TSPAN18: variants seen among roughly 807,000 people sequenced by gnomAD.
TSPAN18 encodes tetraspanin 18.
TSPAN18 carries 14 observed loss-of-function variants against 27.3 expected under a neutral mutation model. That is an observed-to-expected ratio of 0.51 (90% CI 0.34 to 0.80). TSPAN18 has a LOEUF of 0.80. Ranked by LOEUF, TSPAN18 falls within the 30% of genes least tolerant of loss-of-function variation. The probability of loss-of-function intolerance (pLI) is 0.01; values close to 1 mark genes in which losing one functional copy is unlikely to be tolerated. For missense variants in TSPAN18, 268 were observed against 323.9 expected (o/e 0.83, Z 1.32); for synonymous variants, 143 against 136.5 (o/e 1.05, Z -0.33).
chr11:44,928,529 G>A (rs1231022256), intron 9 of TSPAN18, among the ~76,000 whole-genome samples: 2 of 152,210 alleles, frequency 1.3e-5, no homozygotes, highest in African/African-American at 2.4e-5. Context: ...GCTCACGCCT[G>A]TAAATCCTAG....
rs968622583 is a variant in TSPAN18, at chr11:44,763,803, T to A, written c.-239-623T>A. Among the ~76,000 whole-genome samples the A allele has an allele frequency of 1.3e-4, 20 of 152,298 alleles. No homozygotes were observed. In the South Asian group the frequency reaches 4.1e-3, roughly 32 times the overall value. ...CCATTCACAGGCTCTGGGGACGCTATCCTGGGAAGCTTTGTGGGGCTGGTG... is the reference window on the plus strand; with the variant it reads ...CCATTCACAGGCTCTGGGGACGCTAACCTGGGAAGCTTTGTGGGGCTGGTG... On this transcript the variant is annotated intron_variant, in intron 1 of 9. Transcript: ENST00000520358.
At chr11:44,843,162 G>C (rs942361443) in intron 2 of TSPAN18, among the ~76,000 whole-genome samples, 53 of 152,114 alleles carry the variant, frequency 3.5e-4, no homozygotes, top group Admixed American at 2.6e-4. Context: ...TATATGGGGG[G>C]ACCTGCCCCA....
chr11:44,882,224 G>T (rs1021015217), intron 3 of TSPAN18, among the ~76,000 whole-genome samples: 2 of 152,110 alleles, frequency 1.3e-5, no homozygotes, highest in African/African-American at 2.4e-5. Context: ...CATCCATGTG[G>T]TCCCTGGGAA....
chr11:44,751,982 GTA>G (rs1054025464), intron 1 of TSPAN18, among the ~76,000 whole-genome samples: 16 of 151,724 alleles, frequency 1.1e-4, no homozygotes, highest in Non-Finnish European at 4.4e-5. Flanking sequence ...AATATTTTGC[GTA>G]TGTTTCTTCC....
intron 2 of TSPAN18, among the ~76,000 whole-genome samples, chr11:44,846,798 G>A (rs562710840): frequency 6.6e-6 from 1 of 152,312 alleles, no homozygotes; most frequent in South Asian, 2.1e-4. Context: ...CTTCTACTTT[G>A]CAGCCATTTG....
chr11:44,833,405 C>A (rs888760939), intron 2 of TSPAN18, among the ~76,000 whole-genome samples: 1 of 151,840 alleles, frequency 6.6e-6, no homozygotes, highest in Non-Finnish European at 1.5e-5. Context: ...TCTCATTTGA[C>A]TCTAGTTGCC....
At chr11:44,837,756 A>C (rs1857292145) in intron 2 of TSPAN18, among the ~76,000 whole-genome samples, 1 of 152,280 alleles carries the variant, frequency 6.6e-6, no homozygotes, top group Admixed American at 6.5e-5. Context: ...ACCATCCACC[A>C]GCAAAAACAT....
chr11:44,821,734 C>T (rs1296424312), intron 2 of TSPAN18, among the ~76,000 whole-genome samples: 1 of 152,176 alleles, frequency 6.6e-6, no homozygotes, highest in Non-Finnish European at 1.5e-5. Context: ...TTCTATATCC[C>T]TGACTACAAC....
chr11:44,911,456 C>T (rs1012970350), intron 5 of TSPAN18, among the ~76,000 whole-genome samples: 2 of 152,146 alleles, frequency 1.3e-5, no homozygotes, highest in African/African-American at 2.4e-5. Flanking sequence ...CCTTCAACAG[C>T]GCAAACACTG....
chr11:44,893,620 C>T (rs1007272349), intron 3 of TSPAN18, among the ~76,000 whole-genome samples: 2 of 152,204 alleles, frequency 1.3e-5, no homozygotes, highest in African/African-American at 4.8e-5. Context: ...GTTTGCAGTC[C>T]AGCAAAACCT....
At chr11:44,819,565 G>A (rs1856884908) in intron 2 of TSPAN18, among the ~76,000 whole-genome samples, 1 of 152,198 alleles carries the variant, frequency 6.6e-6, no homozygotes, top group South Asian at 2.1e-4. Flanking sequence ...AAACGGCACA[G>A]TCAACATGGA....
Position 44,908,010 on chromosome 11 carries a change from G to A in TSPAN18, c.63+1531G>A, listed in dbSNP as rs147943222. On this transcript the variant is annotated intron_variant, in intron 4 of 9. Transcript: ENST00000520358. ...GCAGAGGTTGTGGTGAGCCGAGATC[G>A]TGCCACTGCACTCCAGCCTGGGCAA... Among the ~76,000 whole-genome samples, 753 of 146,012 alleles carry A rather than the reference G, an allele frequency of 5.2e-3. 1 individual carries two copies. Among genetic ancestry groups the A allele is most frequent in the African/African-American group, 0.017 (683 of 39,088 alleles).
chr11:44,805,237 A>G (rs1856567534), intron 2 of TSPAN18, among the ~76,000 whole-genome samples: 1 of 152,224 alleles, frequency 6.6e-6, no homozygotes, highest in African/African-American at 2.4e-5. Flanking sequence ...GCAGCTCTAA[A>G]TGGGAGCGGC....
intron 3 of TSPAN18, among the ~76,000 whole-genome samples, chr11:44,883,315 G>A (rs1219871347): frequency 6.6e-6 from 1 of 152,190 alleles, no homozygotes; most frequent in Non-Finnish European, 1.5e-5. Context: ...TTTCCTCCCA[G>A]AAATGGAGCT....
At chr11:44,884,530 C>T (rs757777491) in intron 3 of TSPAN18, among the ~76,000 whole-genome samples, 5 of 152,216 alleles carry the variant, frequency 3.3e-5, no homozygotes, top group African/African-American at 4.8e-5. Context: ...CCCCCCTGTG[C>T]GGTTCAGCCC....
intron 3 of TSPAN18, among the ~76,000 whole-genome samples, chr11:44,861,079 G>C (rs1857866499): frequency 6.6e-6 from 1 of 152,100 alleles, no homozygotes; most frequent in Non-Finnish European, 1.5e-5. Context: ...GGGCTCAAAT[G>C]ATGCTGTTAG....
intron 2 of TSPAN18, among the ~76,000 whole-genome samples, chr11:44,814,689 C>CCAT (rs55970649): frequency 0.63 from 90,023 of 143,980 alleles, 29,230 homozygotes; most frequent in Non-Finnish European, 0.72. Flanking sequence ...CATCCATCCA[C>CCAT]CCACCCACCC....
intron 3 of TSPAN18, among the ~76,000 whole-genome samples, chr11:44,865,181 G>A (rs964697511): frequency 2.6e-5 from 4 of 152,192 alleles, no homozygotes; most frequent in African/African-American, 4.8e-5. Flanking sequence ...TTTCAGGGAG[G>A]CAGCCTGGTG....
chr11:44,864,784 G>A (rs1280024232), intron 3 of TSPAN18, among the ~76,000 whole-genome samples: 1 of 152,174 alleles, frequency 6.6e-6, no homozygotes, highest in African/African-American at 2.4e-5. Context: ...ATGCTTCTTT[G>A]GATCCTGAAC....
Sources: gnomAD v4.1 joint callset for allele counts (sites outside exome capture counted in the v4.1 genomes callset) on GRCh38, gnomAD v4.1.1 for gene constraint, MANE v1.5 for transcripts, NCBI Gene and HGNC (gene_info 2026-07-23, HGNC 2026-07-21) for gene names.